Variants in RUSC2 observed in about 807,000 individuals in gnomAD.
RUSC2 encodes the protein RUN and SH3 domain containing 2.
In RUSC2, 34 loss-of-function variants were observed where a neutral mutation model predicts 122.2. That is an observed-to-expected ratio of 0.28 (90% CI 0.21 to 0.37). RUSC2 has a LOEUF of 0.37. Ranked by LOEUF, RUSC2 falls within the 10% of genes least tolerant of loss-of-function variation. The pLI, the probability that RUSC2 is intolerant of heterozygous loss-of-function variation, is 1.00. For synonymous variants in RUSC2, 784 were observed against 790.0 expected (o/e 0.99, Z 0.13); for missense variants, 1,747 against 1,952.4 (o/e 0.89, Z 1.98).
chr9:35,548,648 C>T lies in RUSC2; in HGVS notation c.2014+113C>T, dbSNP rs892327419. On this transcript the variant is annotated intron_variant, in intron 2 of 11. Coordinates refer to ENST00000361226, the MANE Select transcript of RUSC2 (RefSeq NM_014806.5). The surrounding 1 kb of genome is among the most constrained non-coding windows in gnomAD (Gnocchi z 4.5). The stretch of plus-strand genomic sequence containing the variant: ...CCCATCCATACCACTAGAGGTTCCA[C>T]ATCCTAGATCTGTTATCCTTCTAGG... 7 of 1,435,148 alleles carry T rather than the reference C, an allele frequency of 4.9e-6. No individual in the cohort carries two copies. The highest frequency in any genetic ancestry group is 2.9e-5 in the Admixed American group (1 of 34,862). The allele number at this position is 1,435,148 out of a possible 1,614,324, so 88.9% of individuals were successfully genotyped here. A position where few individuals can be genotyped will look rare whatever the true frequency, so the allele number is the denominator to read the frequency against.
At chr9:35,535,241 G>A (rs561840431) in intron 1 of RUSC2, among the ~76,000 whole-genome samples, 50 of 151,884 alleles carry the variant, frequency 3.3e-4, no homozygotes, top group African/African-American at 1.0e-3. Flanking sequence ...TCAGCCTCCC[G>A]AATAGCTGGG....
intron 1 of RUSC2, among the ~76,000 whole-genome samples, chr9:35,517,539 A>G (rs1433642168): frequency 6.6e-6 from 1 of 152,220 alleles, no homozygotes; most frequent in African/African-American, 2.4e-5. Flanking sequence ...TGGCTGCTAG[A>G]TAGACAAGGG....
At chr9:35,513,675 T>A (rs995599562) in intron 1 of RUSC2, among the ~76,000 whole-genome samples, 1 of 151,962 alleles carries the variant, frequency 6.6e-6, no homozygotes, top group African/African-American at 2.4e-5. Context: ...GATTGCATCA[T>A]GATTTATTTA....
chr9:35,516,022 A>AAAAAAAAG (rs1554724501), intron 1 of RUSC2, among the ~76,000 whole-genome samples: 5 of 127,178 alleles, frequency 3.9e-5, no homozygotes, highest in African/African-American at 1.4e-4. Context: ...AAAAAAAAAA[A>AAAAAAAAG]AGAGAAATGC....
At chr9:35,560,926 C>T in intron 10 of RUSC2, 34 bp from the exon 11 acceptor site, 1 of 1,607,594 alleles carries the variant, frequency 6.2e-7, no homozygotes, top group Non-Finnish European at 8.5e-7. Flanking sequence ...AGAGCCCATC[C>T]TGGGCAGAGC....
At chr9:35,553,238 G>A (rs1821937798) in intron 2 of RUSC2, among the ~76,000 whole-genome samples, 1 of 152,132 alleles carries the variant, frequency 6.6e-6, no homozygotes, top group South Asian at 2.1e-4. Context: ...CTTTATTCTG[G>A]GAGATAAAAT....
intron 1 of RUSC2, among the ~76,000 whole-genome samples, chr9:35,530,783 A>G (rs894168127): frequency 3.3e-5 from 5 of 151,678 alleles, no homozygotes; most frequent in African/African-American, 1.2e-4. Flanking sequence ...GGGATTACAC[A>G]CACACACCAC....
At position 35,546,815 on chromosome 9, in the gene RUSC2, A is replaced by T; in HGVS notation, c.294A>T (p.Lys98Asn). The part of the protein sequence containing the change: ...SRDGRGPGAP[K>N]RHNPFLLQEG... Reference sequence around the variant, plus strand: ...ATGGAAGAGGCCCTGGAGCCCCCAAACGACACAACCCCTTCTTGCTGCAGG... The same window carrying T: ...ATGGAAGAGGCCCTGGAGCCCCCAATCGACACAACCCCTTCTTGCTGCAGG... Residue 98 changes from lysine (K) to asparagine (N), a missense_variant, in exon 2 of 12, where the codon AAA (lysine) becomes AAT (asparagine). Transcript: ENST00000361226. The surrounding 1 kb of genome is among the most constrained non-coding windows in gnomAD (Gnocchi z 4.3). The T allele has an allele frequency of 6.2e-7, 1 of 1,612,010 alleles. No homozygotes were observed. The highest frequency in any genetic ancestry group is 8.5e-7 in the Non-Finnish European group (1 of 1,179,048).
intron 1 of RUSC2, among the ~76,000 whole-genome samples, chr9:35,517,146 T>C (rs1326941035): frequency 2.0e-5 from 3 of 152,194 alleles, no homozygotes; most frequent in African/African-American, 7.2e-5. Flanking sequence ...TGAGGCCTCT[T>C]CTCTGAAAGG....
At chr9:35,501,858 A>G (rs548852278) in intron 1 of RUSC2, among the ~76,000 whole-genome samples, 1 of 152,212 alleles carries the variant, frequency 6.6e-6, no homozygotes, top group African/African-American at 2.4e-5. Flanking sequence ...TTTAGGACCT[A>G]TGCTAGTTTT....
At chr9:35,499,926 C>T (rs962070238) in intron 1 of RUSC2, among the ~76,000 whole-genome samples, 3 of 152,170 alleles carry the variant, frequency 2.0e-5, no homozygotes, top group Non-Finnish European at 4.4e-5. Context: ...AGTTGTTTCT[C>T]TTCCAAAATG....
At chr9:35,559,936 C>T (rs1822107216) in intron 9 of RUSC2, 93 bp from the exon 10 acceptor site, 1 of 1,066,828 alleles carries the variant, frequency 9.4e-7, no homozygotes, top group Admixed American at 2.3e-5. Flanking sequence ...GCACCGCTGT[C>T]TGCAGCAGCT....
At chr9:35,517,162 G>T (rs1821124425) in intron 1 of RUSC2, among the ~76,000 whole-genome samples, 1 of 152,092 alleles carries the variant, frequency 6.6e-6, no homozygotes, top group Admixed American at 6.6e-5. Context: ...AAAGGAAGTG[G>T]GTCTCACCAG....
At position 35,555,543 on chromosome 9, in the gene RUSC2, C is replaced by T. The variant is rs144253256; in HGVS notation, c.2498C>T (p.Pro833Leu). Residue 833 changes from proline (P) to leucine (L), a missense_variant, in exon 3 of 12, where the codon CCG (proline) becomes CTG (leucine). Pro to Leu is a moderately conservative substitution (Grantham distance 98). Coordinates refer to ENST00000361226, the MANE Select transcript of RUSC2 (RefSeq NM_014806.5). The surrounding 1 kb of genome is among the most constrained non-coding windows in gnomAD (Gnocchi z 4.6). ...SAVRPATSQQPQKEDQKILTL... is the reference protein window; with the variant it reads ...SAVRPATSQQLQKEDQKILTL... ...GTCCGGCCTGCCACCTCCCAGCAGC[C>T]GCAGAAGGAGGATCAGAAGATACTG... is the stretch of plus-strand genomic sequence containing the variant. The T allele has an allele frequency of 1.4e-5, 23 of 1,613,968 alleles. No homozygotes were observed. Among genetic ancestry groups the T allele is most frequent in the African/African-American group, 5.3e-5 (4 of 74,934 alleles).
chr9:35,546,311 T>C lies in RUSC2; in HGVS notation c.-92-119T>C. On this transcript the variant is annotated intron_variant, in intron 1 of 11. Coordinates refer to ENST00000361226, the MANE Select transcript of RUSC2 (RefSeq NM_014806.5). This position sits in a 1 kb window ranked among gnomAD's most constrained non-coding sequence, Gnocchi z 4.3. ...TTGGGCTGTGTGGTCAAGCTCCATC[T>C]TGACTCAAGCCTTTTCTCTTCCTGG... is the stretch of plus-strand genomic sequence containing the variant. 1 of 381,846 alleles carries C rather than the reference T, an allele frequency of 2.6e-6. No individual in the cohort carries two copies. Among genetic ancestry groups the C allele is most frequent in the East Asian group, 3.8e-5 (1 of 26,372 alleles). The allele number at this position is 381,846 out of a possible 1,614,324, so 23.7% of individuals were successfully genotyped here. A position where few individuals can be genotyped will look rare whatever the true frequency, so the allele number is the denominator to read the frequency against.
In RUSC2 at chr9:35,555,038, C is replaced by A; in HGVS notation, c.2015-22C>A. 6.2e-7 allele frequency: 1 copy of A among 1,607,802 alleles called. No homozygotes were observed. The highest frequency in any genetic ancestry group is 1.1e-5 in the South Asian group (1 of 91,064). ...GGTTTCAGTGTCTGTCTACTGATTT[C>A]TTCTCCATCCCTTTGCTACAGGGGG... is the stretch of plus-strand genomic sequence containing the variant. On this transcript the variant is annotated intron_variant, in intron 2 of 11. Coordinates refer to ENST00000361226, the MANE Select transcript of RUSC2 (RefSeq NM_014806.5). This position sits in a 1 kb window ranked among gnomAD's most constrained non-coding sequence, Gnocchi z 4.6.
chr9:35,490,926 G>A (rs998469214), intron 1 of RUSC2, among the ~76,000 whole-genome samples: 1 of 152,150 alleles, frequency 6.6e-6, no homozygotes, highest in Non-Finnish European at 1.5e-5. Flanking sequence ...TCCCCAGCAC[G>A]GTGCCTGGCA....
At chr9:35,542,526 C>A (rs978857056) in intron 1 of RUSC2, among the ~76,000 whole-genome samples, 4 of 152,132 alleles carry the variant, frequency 2.6e-5, no homozygotes, top group African/African-American at 9.7e-5. Flanking sequence ...ATTCATGAGG[C>A]ATATATCTGA....
Position 35,557,390 on chromosome 9 carries a change from T to A in RUSC2, c.2984-524T>A, listed in dbSNP as rs1339888381. ...TGTACATATGAGATTGTTATGGATT[T>A]TGGAGGTAGAGGGAAGTTAAAGGAG... On this transcript the variant is annotated intron_variant, in intron 5 of 11. Transcript: ENST00000361226. This position sits in a 1 kb window ranked among gnomAD's most constrained non-coding sequence, Gnocchi z 4.6. 6.6e-6 allele frequency among the ~76,000 whole-genome samples: 1 copy of A among 152,012 alleles called. No individual in the cohort carries two copies. The highest frequency in any genetic ancestry group is 1.5e-5 in the Non-Finnish European group (1 of 67,998).
Sources: gnomAD v4.1 joint callset for allele counts (sites outside exome capture counted in the v4.1 genomes callset) on GRCh38, gnomAD v4.1.1 for gene constraint, Gnocchi (gnomAD v3.1) non-coding constraint, MANE v1.5 for transcripts, NCBI Gene and HGNC (gene_info 2026-07-23, HGNC 2026-07-21) for gene names.